FCHO1: variants seen among roughly 807,000 people sequenced by gnomAD.
The protein encoded by FCHO1 is F-BAR domain only protein 1.
Under a neutral mutation model 114.4 loss-of-function variants are expected in FCHO1, and 45 were observed. The ratio of observed to expected loss-of-function variants is 0.39; its 90% CI spans 0.31 to 0.50. FCHO1 has a LOEUF of 0.50. FCHO1 is among the 20% of genes least tolerant of loss of function. The pLI is 0.77. For synonymous variants in FCHO1, 480 were observed against 488.9 expected (o/e 0.98, Z 0.24); for missense variants, 1,042 against 1,209.6 (o/e 0.86, Z 2.06).
In FCHO1 at chr19:17,781,757, C is replaced by T. The variant is rs1403133370; in HGVS notation, c.1874C>T (p.Ala625Val). The T allele has an allele frequency of 6.2e-7, 1 of 1,611,534 alleles. No homozygotes were observed. The highest frequency in any genetic ancestry group is 8.5e-7 in the Non-Finnish European group (1 of 1,178,730). ...PSPVVLGSQD[A>V]LPIATAFTEY... is the part of the protein sequence containing the mutation. ...CCTGTGGTCCTGGGCTCCCAGGATG[C>T]CCTGCCCATAGCCACAGCCTTCACA... Residue 625 changes from alanine (A) to valine (V), a missense_variant, in exon 23 of 29, where the codon GCC becomes GTC. Coordinates refer to ENST00000596536, the MANE Select transcript of FCHO1 (RefSeq NM_015122.3).
Position 17,775,424 on chromosome 19 carries a change from C to A in FCHO1, c.946-32C>A, listed in dbSNP as rs2092483696. 3 of 1,602,186 alleles carry A rather than the reference C, an allele frequency of 1.9e-6. No homozygotes were observed. The South Asian group carries it at 3.3e-5, about 18-fold the overall frequency. On this transcript the variant is annotated intron_variant, in intron 14 of 28. Transcript: ENST00000596536. The surrounding 1 kb of genome is among the most constrained non-coding windows in gnomAD (Gnocchi z 5.1). ...AGATGGAAGGTTCGATAGTGGGGCG[C>A]CTGACTCACTGCTGCCCCCTGACTC...
At chr19:17,783,811 C>T (rs1288743011) in intron 24 of FCHO1, among the ~76,000 whole-genome samples, 1 of 151,840 alleles carries the variant, frequency 6.6e-6, no homozygotes, top group Admixed American at 6.6e-5. Context: ...AAACTCCTGA[C>T]CTCAGGTGAT....
In FCHO1 at chr19:17,776,498, G is replaced by C. The variant is rs1414910676; in HGVS notation, c.1208-137G>C. ...TCTGGAGACAGGCTCGCTTAGGCTTGAATCCATGTCTGCCTGATTTGCTGA... is the reference window on the plus strand; with the variant it reads ...TCTGGAGACAGGCTCGCTTAGGCTTCAATCCATGTCTGCCTGATTTGCTGA... On this transcript the variant is annotated intron_variant, in intron 17 of 28. Transcript: ENST00000596536. The surrounding 1 kb of genome is among the most constrained non-coding windows in gnomAD (Gnocchi z 4.4). 1 of 1,098,458 alleles carries C rather than the reference G, an allele frequency of 9.1e-7. No individual in the cohort carries two copies. The highest frequency in any genetic ancestry group is 1.4e-6 in the Non-Finnish European group (1 of 723,916). 68.0% of individuals were successfully genotyped at this position (1,098,458 alleles called of 1,614,324 possible).
intron 4 of FCHO1, among the ~76,000 whole-genome samples, chr19:17,756,746 G>C (rs562802571): frequency 6.6e-6 from 1 of 152,290 alleles, no homozygotes; most frequent in African/African-American, 2.4e-5. Flanking sequence ...ATAGAAGCCT[G>C]GTTCTTTGCT....
chr19:17,774,374 G>GC lies in FCHO1; in HGVS notation c.836-14dup, dbSNP rs754977212. On this transcript the variant is annotated intron_variant, in intron 12 of 28. Coordinates refer to ENST00000596536, the MANE Select transcript of FCHO1 (RefSeq NM_015122.3). ...GAAAGGAGGCTCACAGTGCTCAGGT[G>GC]CCCCCCAATCTATCCTCAGCGATGA... 4 of 1,613,362 alleles carry GC rather than the reference G, an allele frequency of 2.5e-6. No individual in the cohort carries two copies. The South Asian group carries it at 4.4e-5, about 18-fold the overall frequency.
intron 28 of FCHO1, 32 bp from the exon 29 acceptor site, chr19:17,788,252 C>G: frequency 7.2e-7 from 1 of 1,380,600 alleles, no homozygotes; most frequent in Non-Finnish European, 1.0e-6. Context: ...CCCTCCTCCC[C>G]ACCCCTCCCC....
chr19:17,779,721 CAAGG>C (rs74969930), intron 20 of FCHO1, among the ~76,000 whole-genome samples: 34,544 of 87,444 alleles, frequency 0.4, 7,184 homozygotes, highest in East Asian at 0.76. Flanking sequence ...GGGGCGGAGA[CAAGG>C]GAGGGAGGAG....
intron 4 of FCHO1, among the ~76,000 whole-genome samples, chr19:17,756,443 G>C (rs1044108445): frequency 6.6e-6 from 1 of 152,120 alleles, no homozygotes; most frequent in African/African-American, 2.4e-5. Context: ...GTGCAGGCTC[G>C]CTGCAGAAAA....
rs1239839370 is a variant in FCHO1 at position 17,778,904 on chromosome 19, G to A, written c.1627+20G>A. The A allele has an allele frequency of 4.6e-6, 7 of 1,520,528 alleles. No individual in the cohort carries two copies. Among genetic ancestry groups the A allele is most frequent in the African/African-American group, 1.4e-5 (1 of 72,502 alleles). 94.2% of individuals were successfully genotyped at this position (1,520,528 alleles called of 1,614,324 possible). ...GAGGAGGTGAGTCCAGCGGGCCTGG[G>A]CCTGAGAGTTGCTGGAACCCTGGGC... On this transcript the variant is annotated intron_variant, in intron 20 of 28. Coordinates refer to ENST00000596536, the MANE Select transcript of FCHO1 (RefSeq NM_015122.3).
At chr19:17,774,663 T>C in intron 13 of FCHO1, 185 bp downstream of exon 13, 1 of 601,418 alleles carries the variant, frequency 1.7e-6, no homozygotes, top group Non-Finnish European at 2.9e-6. Flanking sequence ...ATATTACCGC[T>C]GCCCAAGCTA....
At position 17,784,789 on chromosome 19, in the gene FCHO1, C is replaced by T; in HGVS notation, c.2291C>T (p.Thr764Ile). 6.2e-7 allele frequency: 1 copy of T among 1,614,120 alleles called. No individual in the cohort carries two copies. Among genetic ancestry groups the T allele is most frequent in the Non-Finnish European group, 8.5e-7 (1 of 1,180,036 alleles). ...AGTGCCCACTGGCAGTGTGGAGCCA[C>T]CCTCACCCAGGTCTCAGTGGAGTAC... ...QLSAHWQCGA[T>I]LTQVSVEYGY... The change falls in exon 26 of 29, where the codon ACC becomes ATC. Residue 764 changes from threonine (T) to isoleucine (I), a missense_variant. Physicochemically the swap from Thr to Ile is moderately conservative, Grantham distance 89. This residue lies in a region of FCHO1 where 137 missense variants were observed against 190.0 expected (regional missense o/e 0.72). Transcript: ENST00000596536. The surrounding 1 kb of genome is among the most constrained non-coding windows in gnomAD (Gnocchi z 5.3).
At position 17,778,182 on chromosome 19, in the gene FCHO1, C is replaced by G; in HGVS notation, c.1305C>G (p.Leu435=). Residue 435 remains leucine, a synonymous_variant, in exon 19 of 29, where the codon CTC becomes CTG. Coordinates refer to ENST00000596536, the MANE Select transcript of FCHO1 (RefSeq NM_015122.3). ...LQSEEQVSKN[L]FGPPLESAFD... ...CAGAGGAGCAGGTGTCCAAGAACCTCTTTGGGCCGCCCCTGGAGTCAGCCT... is the reference window on the plus strand; with the variant it reads ...CAGAGGAGCAGGTGTCCAAGAACCTGTTTGGGCCGCCCCTGGAGTCAGCCT... 1 of 1,613,696 alleles carries G rather than the reference C, an allele frequency of 6.2e-7. No individual in the cohort carries two copies. The highest frequency in any genetic ancestry group is 1.3e-5 in the African/African-American group (1 of 75,038).
In FCHO1 at chr19:17,766,789, A is replaced by G; in HGVS notation, c.315A>G (p.Glu105=). 6.2e-7 allele frequency: 1 copy of G among 1,614,022 alleles called. No individual in the cohort carries two copies. Among genetic ancestry groups the G allele is most frequent in the South Asian group, 1.1e-5 (1 of 91,068 alleles). The change falls in exon 7 of 29, where the codon GAA becomes GAG. Residue 105 remains glutamate, a synonymous_variant. Transcript: ENST00000596536. ...AGGACGTTCTCCGCTACGGCGAGGA[A>G]CAGCTCAAGACCCACAAGAAGGTGT... ...LIKDVLRYGE[E]QLKTHKKCKE...
chr19:17,784,819 A>G lies in FCHO1; in HGVS notation c.2321A>G (p.Tyr774Cys). ...TLTQVSVEYG[Y>C]RPGATAVPTP... is the part of the protein sequence containing the mutation. ...ACCCAGGTCTCAGTGGAGTACGGCT[A>G]CCGGCCCGGTGCCACGGCTGTGCCC... The change falls in exon 26 of 29, where the codon TAC becomes TGC. Residue 774 changes from tyrosine (Y) to cysteine (C), a missense_variant. Tyr to Cys is a radical substitution (Grantham distance 194, BLOSUM62 -2). Around this residue, in one of 3 missense-constraint regions of FCHO1, gnomAD observed 137 missense variants for 190.0 expected, o/e 0.72. Transcript: ENST00000596536. The surrounding 1 kb of genome is among the most constrained non-coding windows in gnomAD (Gnocchi z 5.3). 1 of 1,614,010 alleles carries G rather than the reference A, an allele frequency of 6.2e-7. No homozygotes were observed. The highest frequency in any genetic ancestry group is 8.5e-7 in the Non-Finnish European group (1 of 1,180,024).
intron 26 of FCHO1, 98 bp from the exon 27 acceptor site, chr19:17,786,476 T>G: frequency 4.9e-6 from 6 of 1,212,876 alleles, no homozygotes; most frequent in Admixed American, 2.1e-5. Flanking sequence ...GGGGAGAAGG[T>G]TTGTTGGGGT....
intron 4 of FCHO1, among the ~76,000 whole-genome samples, chr19:17,760,797 C>A (rs2085820353): frequency 6.6e-6 from 1 of 152,040 alleles, no homozygotes; most frequent in South Asian, 2.1e-4. Flanking sequence ...TTACAGGCAC[C>A]TGCCACCATG....
At chr19:17,782,538 G>A (rs921220331) in intron 23 of FCHO1, among the ~76,000 whole-genome samples, 1 of 152,200 alleles carries the variant, frequency 6.6e-6, no homozygotes, top group Non-Finnish European at 1.5e-5. Context: ...ATGCATTGCT[G>A]TAGACGCCAA....
intron 8 of FCHO1, 88 bp downstream of exon 8, chr19:17,770,665 C>T (rs1201766269): frequency 9.5e-6 from 15 of 1,574,776 alleles, no homozygotes; most frequent in East Asian, 9.0e-5. Context: ...CCCAGAGCGA[C>T]GGTCCTGGAA....
intron 4 of FCHO1, among the ~76,000 whole-genome samples, chr19:17,756,025 G>C (rs915539294): frequency 6.6e-6 from 1 of 152,176 alleles, no homozygotes; most frequent in African/African-American, 2.4e-5. Flanking sequence ...GGAGGGCCCA[G>C]GAGTCAGGGA....
Sources: gnomAD v4.1 joint callset for allele counts (sites outside exome capture counted in the v4.1 genomes callset) on GRCh38, gnomAD v4.1.1 for gene constraint, gnomAD v4.1.1 regional missense constraint, Gnocchi (gnomAD v3.1) non-coding constraint, MANE v1.5 for transcripts, NCBI Gene and HGNC (gene_info 2026-07-23, HGNC 2026-07-21) for gene names.